The following FRMD4B variants were observed in gnomAD, a reference collection of about 807,000 sequenced individuals.
The protein encoded by FRMD4B is FERM domain containing 4B.
Under a neutral mutation model 141.5 loss-of-function variants are expected in FRMD4B, and 74 were observed. That is an observed-to-expected ratio of 0.52 (90% CI 0.43 to 0.63). The LOEUF (loss-of-function observed/expected upper bound fraction) is 0.63. Ranked by LOEUF, FRMD4B falls within the 30% of genes least tolerant of loss-of-function variation. The pLI is 0.00. For missense variants in FRMD4B, 1,366 were observed against 1,253.4 expected, an observed-to-expected ratio of 1.09 and a Z score of -1.36; for synonymous variants, 506 against 467.9, an observed-to-expected ratio of 1.08 and a Z score of -1.05.
upstream of FRMD4B, among the ~76,000 whole-genome samples, chr3:69,390,828 G>A (rs961381595): frequency 6.6e-6 from 1 of 152,118 alleles, no homozygotes; most frequent in Non-Finnish European, 1.5e-5. Flanking sequence ...GGAAGGTGGA[G>A]GTTGCAATGA....
At chr3:69,472,883 T>C (rs1575814731) in intron 1 of FRMD4B, among the ~76,000 whole-genome samples, 1 of 150,822 alleles carries the variant, frequency 6.6e-6, no homozygotes, top group Non-Finnish European at 1.5e-5. Flanking sequence ...TTATCCATAG[T>C]GATGGCTGTA....
rs116630820 is a variant in FRMD4B, at chr3:69,305,436, C to T, written c.324-3001G>A. Among the ~76,000 whole-genome samples the T allele has an allele frequency of 2.7e-3, 404 of 152,274 alleles. 4 individuals are homozygous for T. The highest frequency in any genetic ancestry group is 8.7e-3 in the African/African-American group (361 of 41,550). ...AAAACAAAATAAGATAGGAGACTGA[C>T]GTTAAGAGAGTCTTACACTCTATTT... On this transcript the variant is annotated intron_variant, in intron 3 of 22. Transcript: ENST00000398540.
intron 1 of FRMD4B, among the ~76,000 whole-genome samples, chr3:69,490,426 A>G (rs570747576): frequency 2.0e-5 from 3 of 152,130 alleles, no homozygotes; most frequent in African/African-American, 4.8e-5. Context: ...ATCTTCCAAA[A>G]CAGCTTCAAG....
At chr3:69,388,575 A>C (rs1704317759), upstream of FRMD4B, among the ~76,000 whole-genome samples, 1 of 152,070 alleles carries the variant, frequency 6.6e-6, no homozygotes, top group African/African-American at 2.4e-5. Flanking sequence ...GACCCACCCA[A>C]CTTCAGATCT....
At chr3:69,441,582 C>T (rs1705344024) in intron 1 of FRMD4B, among the ~76,000 whole-genome samples, 1 of 151,784 alleles carries the variant, frequency 6.6e-6, no homozygotes, top group South Asian at 2.1e-4. Context: ...GTGTATTATT[C>T]CCCACGATAT....
intron 2 of FRMD4B, among the ~76,000 whole-genome samples, chr3:69,422,982 C>T (rs146786958): frequency 1.1e-3 from 164 of 152,198 alleles, no homozygotes; most frequent in Non-Finnish European, 1.8e-3. Flanking sequence ...GCATGAGTCC[C>T]ATGTAAGTTG....
At chr3:69,239,358 G>A (rs766533193) in intron 7 of FRMD4B, among the ~76,000 whole-genome samples, 1 of 152,116 alleles carries the variant, frequency 6.6e-6, no homozygotes, top group Non-Finnish European at 1.5e-5. Context: ...TGTAACAGGG[G>A]ACAATTACTC....
chr3:69,541,551 T>G lies in FRMD4B; in HGVS notation c.-129+655A>C, dbSNP rs117363666. Among the ~76,000 whole-genome samples the G allele has an allele frequency of 4.0e-4, 61 of 152,276 alleles. No individual in the cohort carries two copies. In the East Asian group the frequency reaches 9.8e-3, roughly 25 times the overall value. On this transcript the variant is annotated intron_variant, in intron 1 of 5. Coordinates refer to the FRMD4B transcript ENST00000459638. ...ATCCTTCAAAGCACAGGACATCCAA[T>G]GCAAGGGAAGAGTTTGTCCTCTATT...
intron 1 of FRMD4B, chr3:69,376,979 T>C (rs973315571): frequency 6.6e-6 from 1 of 151,968 alleles, no homozygotes; most frequent in African/African-American, 2.4e-5. Context: ...CAAACACTCA[T>C]TTGAAGAGTC....
intron 5 of FRMD4B, among the ~76,000 whole-genome samples, chr3:69,285,289 A>T (rs1292829782): frequency 2.6e-5 from 4 of 151,936 alleles, no homozygotes; most frequent in Non-Finnish European, 2.9e-5. Flanking sequence ...ACTATACAAG[A>T]TATCATATTC....
intron 5 of FRMD4B, among the ~76,000 whole-genome samples, chr3:69,273,170 T>C (rs903166999): frequency 2.0e-5 from 3 of 152,244 alleles, no homozygotes; most frequent in Non-Finnish European, 4.4e-5. Flanking sequence ...TTGGCTAGAA[T>C]GAGGTTTCAG....
chr3:69,419,027 A>C (rs1399276836), intron 2 of FRMD4B, among the ~76,000 whole-genome samples: 1 of 152,198 alleles, frequency 6.6e-6, no homozygotes, highest in South Asian at 2.1e-4. Flanking sequence ...CAACTGCACC[A>C]AATGGCCAGA....
At chr3:69,423,965 C>A (rs561706021) in intron 2 of FRMD4B, among the ~76,000 whole-genome samples, 7 of 152,034 alleles carry the variant, frequency 4.6e-5, no homozygotes, top group African/African-American at 1.7e-4. Flanking sequence ...GTAACAGCAG[C>A]CCAAATGGAC....
At chr3:69,492,813 A>AT (rs1341765268) in intron 1 of FRMD4B, among the ~76,000 whole-genome samples, 3 of 152,182 alleles carry the variant, frequency 2.0e-5, no homozygotes, top group African/African-American at 7.2e-5. Flanking sequence ...CTGCTTAGTT[A>AT]TTTGCAAGCT....
intron 1 of FRMD4B, among the ~76,000 whole-genome samples, chr3:69,496,687 T>C (rs1313455493): frequency 1.0e-5 from 1 of 96,068 alleles, no homozygotes; most frequent in African/African-American, 4.0e-5. Context: ...GACAGGGAGA[T>C]TAGGTCCTGA....
At chr3:69,531,187 C>T (rs1237192666) in intron 1 of FRMD4B, among the ~76,000 whole-genome samples, 1 of 152,082 alleles carries the variant, frequency 6.6e-6, no homozygotes, top group East Asian at 1.9e-4. Flanking sequence ...TAGCATCCTG[C>T]CTGGGATTTG....
chr3:69,196,570 G>C, intron 13 of FRMD4B, 174 bp from the exon 14 acceptor site: 1 of 589,408 alleles, frequency 1.7e-6, no homozygotes. Context: ...CCCACAAGTA[G>C]TTAAAATGTT....
intron 2 of FRMD4B, among the ~76,000 whole-genome samples, chr3:69,411,081 C>T (rs1184710632): frequency 6.6e-6 from 1 of 151,954 alleles, no homozygotes; most frequent in Non-Finnish European, 1.5e-5. Context: ...CGCCATTCAG[C>T]CCTGAATGGT....
At chr3:69,533,183 T>C (rs1277281524) in intron 1 of FRMD4B, among the ~76,000 whole-genome samples, 1 of 152,190 alleles carries the variant, frequency 6.6e-6, no homozygotes, top group Non-Finnish European at 1.5e-5. Flanking sequence ...GGATCTGTTG[T>C]AGGGGGCAAT....
Sources: allele counts gnomAD v4.1 joint callset (sites outside exome capture counted in the v4.1 genomes callset), GRCh38; gene constraint gnomAD v4.1.1; transcripts MANE v1.5; gene names NCBI Gene and HGNC (gene_info 2026-07-23, HGNC 2026-07-21).